FGGY: variants seen among roughly 807,000 people sequenced by gnomAD.
FGGY encodes the protein FGGY carbohydrate kinase domain-containing protein.
In FGGY, 72 loss-of-function variants were observed where a neutral mutation model predicts 71.3. The ratio of observed to expected loss-of-function variants is 1.01; its 90% CI spans 0.84 to 1.23. The LOEUF is 1.23. Ranked by LOEUF, FGGY falls within the 50% of genes most tolerant of loss-of-function variation. FGGY has a pLI of 0.00. For synonymous variants in FGGY, 251 were observed against 250.3 expected (o/e 1.00, Z -0.02); for missense variants, 668 against 682.3 (o/e 0.98, Z 0.23).
chr1:59,433,505 G>A (rs1223677774), intron 5 of FGGY, among the ~76,000 whole-genome samples: 2 of 152,094 alleles, frequency 1.3e-5, no homozygotes, highest in Non-Finnish European at 2.9e-5. Context: ...AGGCCTTCAC[G>A]GGGAATACCA....
intron 5 of FGGY, among the ~76,000 whole-genome samples, chr1:59,381,649 G>T (rs2059466653): frequency 6.6e-6 from 1 of 150,872 alleles, no homozygotes. Flanking sequence ...GTGTGTGTGT[G>T]TGTGTGTGTG....
Position 59,655,587 on chromosome 1 carries a change from C to T in FGGY, c.1222-4632C>T, listed in dbSNP as rs111259649. ...GATGGTTTCCAGATTCATCCATGTC[C>T]CTGCAAAGGACATGATCTCATTCTT... On this transcript the variant is annotated intron_variant, in intron 11 of 15. Transcript: ENST00000303721. 8.9e-4 allele frequency among the ~76,000 whole-genome samples: 136 copies of T among 152,252 alleles called. 2 individuals carry two copies. The highest frequency in any genetic ancestry group is 3.1e-3 in the African/African-American group (130 of 41,530).
intron 8 of FGGY, among the ~76,000 whole-genome samples, chr1:59,555,356 C>T (rs570291547): frequency 6.6e-6 from 1 of 152,290 alleles, no homozygotes; most frequent in African/African-American, 2.4e-5. Context: ...AGTCCCACTT[C>T]CTCAGTTTAC....
In FGGY at chr1:59,583,706, GCCCT is replaced by G. The variant is rs1431133635; in HGVS notation, c.904-24096_904-24093del. Among the ~76,000 whole-genome samples the G allele has an allele frequency of 1.4e-5, 2 of 142,308 alleles. 1 individual carries two copies. Among genetic ancestry groups the G allele is most frequent in the Admixed American group, 1.4e-4 (2 of 14,514 alleles). The allele number at this position is 142,308 out of a possible 152,430, so 93.4% of individuals were successfully genotyped here. On this transcript the variant is annotated intron_variant, in intron 8 of 15. Coordinates refer to ENST00000303721, the MANE Select transcript of FGGY (RefSeq NM_018291.5). Reference sequence around the variant, plus strand: ...TCCTGGGTATTGGTGCCAGGCTAGTGCCCTGATCTGAGTCCACCTCTGAACAGTC... The same window carrying G: ...TCCTGGGTATTGGTGCCAGGCTAGTGGATCTGAGTCCACCTCTGAACAGTC...
chr1:59,491,051 C>CT (rs1371307962), intron 6 of FGGY, among the ~76,000 whole-genome samples: 503 of 814 alleles, frequency 0.62, 164 homozygotes, highest in African/African-American at 0.64. Context: ...TCCTTCCTTC[C>CT]TTCCTTCCTT....
intron 14 of FGGY, among the ~76,000 whole-genome samples, chr1:59,704,502 C>G (rs1226002598): frequency 1.3e-5 from 2 of 151,990 alleles, no homozygotes; most frequent in East Asian, 3.9e-4. Flanking sequence ...ACATATATAT[C>G]ATATAGTAGA....
intron 8 of FGGY, among the ~76,000 whole-genome samples, chr1:59,565,519 T>G (rs1268523827): frequency 6.6e-6 from 1 of 152,120 alleles, no homozygotes; most frequent in Non-Finnish European, 1.5e-5. Flanking sequence ...CTCCTGACAT[T>G]GTGATCCACC....
At position 59,697,736 on chromosome 1, in the gene FGGY, T is replaced by G. The variant is rs955051614; in HGVS notation, c.1512+23603T>G. The G allele has an allele frequency of 5.6e-5, 73 of 1,295,210 alleles. No homozygotes were observed. The African/African-American group carries it at 9.8e-4, about 17-fold the overall frequency. 80.2% of individuals were successfully genotyped at this position (1,295,210 alleles called of 1,614,324 possible). On this transcript the variant is annotated intron_variant, in intron 14 of 15. Coordinates refer to ENST00000303721, the MANE Select transcript of FGGY (RefSeq NM_018291.5). ...ATCAGACTCTCTTCTTCCAGTCTTT[T>G]GCAAGTAGGTGACACAAGAGGTAAA... is the stretch of plus-strand genomic sequence containing the variant.
At chr1:59,722,165 T>TG (rs1380530155) in intron 14 of FGGY, among the ~76,000 whole-genome samples, 1 of 95,508 alleles carries the variant, frequency 1.0e-5, no homozygotes, top group Non-Finnish European at 2.3e-5. Context: ...GAGATTTGTC[T>TG]AATTTTTTTT....
At chr1:59,752,408 T>C (rs543913590) in intron 14 of FGGY, among the ~76,000 whole-genome samples, 6 of 152,302 alleles carry the variant, frequency 3.9e-5, no homozygotes, top group Admixed American at 3.3e-4. Flanking sequence ...CTATAGATGG[T>C]GACTCTGGAA....
At chr1:59,614,442 TCAA>T (rs2096727425) in intron 9 of FGGY, among the ~76,000 whole-genome samples, 1 of 152,156 alleles carries the variant, frequency 6.6e-6, no homozygotes, top group Admixed American at 6.5e-5. Flanking sequence ...TTGACAAAAT[TCAA>T]CAACCCCTCA....
At chr1:59,318,619 A>T (rs991200346) in intron 1 of FGGY, 2 of 152,246 alleles carry the variant, frequency 1.3e-5, no homozygotes, top group African/African-American at 4.8e-5. Flanking sequence ...GAGGAACCCA[A>T]GCCTGAGCAC....
intron 8 of FGGY, among the ~76,000 whole-genome samples, chr1:59,599,384 T>A (rs993515209): frequency 9.2e-5 from 14 of 152,058 alleles, no homozygotes; most frequent in Middle Eastern, 3.4e-3. Context: ...GGGTTATGCA[T>A]GTTCTTAAAA....
chr1:59,472,613 A>G (rs1199317658), intron 6 of FGGY, among the ~76,000 whole-genome samples: 2 of 152,012 alleles, frequency 1.3e-5, no homozygotes, highest in East Asian at 3.9e-4. Flanking sequence ...ACCAATTGGC[A>G]CTCTGTATCT....
At chr1:59,623,049 A>G (rs191361946) in intron 9 of FGGY, among the ~76,000 whole-genome samples, 3 of 152,298 alleles carry the variant, frequency 2.0e-5, no homozygotes, top group Admixed American at 6.5e-5. Context: ...AGCTCAGAGT[A>G]TAGGGTAAGA....
At chr1:59,473,672 A>G (rs1038567296) in intron 6 of FGGY, among the ~76,000 whole-genome samples, 1 of 152,184 alleles carries the variant, frequency 6.6e-6, no homozygotes, top group African/African-American at 2.4e-5. Flanking sequence ...ATGGGGGGCT[A>G]GTTTCTGATG....
chr1:59,672,703 A>G (rs748768633), intron 13 of FGGY, among the ~76,000 whole-genome samples: 13 of 152,156 alleles, frequency 8.5e-5, no homozygotes, highest in Non-Finnish European at 1.8e-4. Context: ...AAGTAATGGG[A>G]TGTAGAGAGA....
At chr1:59,507,684 ATTTTTTTT>A (rs561953004) in intron 6 of FGGY, among the ~76,000 whole-genome samples, 5 of 106,944 alleles carry the variant, frequency 4.7e-5, no homozygotes, top group Non-Finnish European at 7.2e-5. Flanking sequence ...TGCTTGGCTA[ATTTTTTTT>A]TTTTTTTTTT....
intron 14 of FGGY, among the ~76,000 whole-genome samples, chr1:59,705,863 T>G (rs2097754228): frequency 6.6e-6 from 1 of 152,250 alleles, no homozygotes; most frequent in African/African-American, 2.4e-5. Context: ...TGAATGCAAC[T>G]GGTCATCTAA....
Sources: allele counts gnomAD v4.1 joint callset (sites outside exome capture counted in the v4.1 genomes callset), GRCh38; gene constraint gnomAD v4.1.1; transcripts MANE v1.5; gene names NCBI Gene and HGNC (gene_info 2026-07-23, HGNC 2026-07-21).